The following NDRG4 variants were observed in gnomAD, a reference collection of about 807,000 sequenced individuals.
NDRG4 encodes the protein NDRG family member 4, also known as protein NDRG4.
Under a neutral mutation model 55.8 loss-of-function variants are expected in NDRG4, and 38 were observed. The ratio of observed to expected loss-of-function variants is 0.68; its 90% CI spans 0.53 to 0.89. The LOEUF is 0.89. NDRG4 is among the 40% of genes least tolerant of loss of function. The pLI, the probability that NDRG4 is intolerant of heterozygous loss-of-function variation, is 0.00. For missense variants in NDRG4, 455 were observed against 468.6 expected, an observed-to-expected ratio of 0.97 and a Z score of 0.27; for synonymous variants, 190 against 182.7, an observed-to-expected ratio of 1.04 and a Z score of -0.32.
Position 58,509,175 on chromosome 16 carries a change from C to T in NDRG4, c.799C>T (p.Pro267Ser). 1.2e-6 allele frequency: 2 copies of T among 1,614,016 alleles called. No individual in the cohort carries two copies. Among genetic ancestry groups the T allele is most frequent in the Non-Finnish European group, 1.7e-6 (2 of 1,180,030 alleles). ...GCAGATGGCAGACTCTGGAGGGCTGCCCCAGGTCACACAGGTGAGACTTTT... is the reference window on the plus strand; with the variant it reads ...GCAGATGGCAGACTCTGGAGGGCTGTCCCAGGTCACACAGGTGAGACTTTT... ...FLKMADSGGL[P>S]QVTQPGKLTE... Residue 267 changes from proline to serine, a missense_variant, in exon 12 of 15, where the codon CCC becomes TCC. Coordinates refer to ENST00000570248, the MANE Select transcript of NDRG4 (RefSeq NM_001242835.2).
intron 14 of NDRG4, 102 bp from the exon 15 acceptor site, chr16:58,511,320 G>C: frequency 2.2e-6 from 3 of 1,361,516 alleles, no homozygotes; most frequent in South Asian, 2.8e-5. Flanking sequence ...TTGTGCCTTC[G>C]AGGAACGGTT....
rs1172830768 is a variant in NDRG4, at chr16:58,506,578, T to C, written c.480T>C (p.Thr160=). ...TGCAGCTCTCCGGCCTAACTAGCAC[T>C]TTACCCGACACGGTGCTCTCCCACC... ...AATKLSGLTS[T]LPDTVLSHLF... Residue 160 remains threonine (T), a synonymous_variant, in exon 7 of 15, where the codon ACT becomes ACC. Coordinates refer to ENST00000570248, the MANE Select transcript of NDRG4 (RefSeq NM_001242835.2). 6.3e-7 allele frequency: 1 copy of C among 1,584,262 alleles called. No individual in the cohort carries two copies. Among genetic ancestry groups the C allele is most frequent in the Admixed American group, 1.9e-5 (1 of 52,336 alleles).
At chr16:58,491,867 G>A (rs1255605173) in intron 2 of NDRG4, among the ~76,000 whole-genome samples, 1 of 152,080 alleles carries the variant, frequency 6.6e-6, no homozygotes, top group Non-Finnish European at 1.5e-5. Context: ...CTTCAGGGAG[G>A]TTAGAGAGGG....
intron 1 of NDRG4, chr16:58,502,084 C>G (rs772956115): frequency 1.1e-5 from 5 of 436,126 alleles, no homozygotes; most frequent in South Asian, 7.8e-5. Context: ...TTCAGTGCAC[C>G]GCCCTGGCCC....
intron 1 of NDRG4, among the ~76,000 whole-genome samples, chr16:58,482,251 T>G (rs1045991625): frequency 6.6e-6 from 1 of 152,168 alleles, no homozygotes; most frequent in Non-Finnish European, 1.5e-5. Flanking sequence ...CTCAAGGCAG[T>G]GTGGACCGGA....
chr16:58,484,386 A>G (rs1966511), intron 1 of NDRG4, among the ~76,000 whole-genome samples: 129,331 of 152,118 alleles, frequency 0.85, 56,169 homozygotes, highest in Non-Finnish European at 0.94. Context: ...AAAAATTTAT[A>G]TATTTATTGT....
Position 58,509,371 on chromosome 16 carries a change from C to T in NDRG4, c.865+19C>T, listed in dbSNP as rs1031670809. On this transcript the variant is annotated intron_variant, in intron 13 of 14. Coordinates refer to ENST00000570248, the MANE Select transcript of NDRG4 (RefSeq NM_001242835.2). Reference sequence around the variant, plus strand: ...GGCTACAGTGAGTACATTTCCACCCCACCCCACACCACCTAGAGACCGGTG... The same window carrying T: ...GGCTACAGTGAGTACATTTCCACCCTACCCCACACCACCTAGAGACCGGTG... 1.2e-6 allele frequency: 2 copies of T among 1,611,794 alleles called. No homozygotes were observed. Among genetic ancestry groups the T allele is most frequent in the Non-Finnish European group, 8.5e-7 (1 of 1,179,410 alleles).
At chr16:58,482,251 T>C (rs1045991625) in intron 1 of NDRG4, among the ~76,000 whole-genome samples, 2 of 152,168 alleles carry the variant, frequency 1.3e-5, no homozygotes, top group Non-Finnish European at 2.9e-5. Flanking sequence ...CTCAAGGCAG[T>C]GTGGACCGGA....
chr16:58,507,963 G>A lies in NDRG4; in HGVS notation c.693G>A (p.Leu231=). 2 of 1,601,740 alleles carry A rather than the reference G, an allele frequency of 1.2e-6. No individual in the cohort carries two copies. Among genetic ancestry groups the A allele is most frequent in the African/African-American group, 2.7e-5 (2 of 74,864 alleles). ...NAKTLRCPVM[L]VVGDNAPAED... ...GTATCTGCAGCTGCCCCGTGATGCTGGTGGTTGGGGATAATGCACCCGCTG... is the reference window on the plus strand; with the variant it reads ...GTATCTGCAGCTGCCCCGTGATGCTAGTGGTTGGGGATAATGCACCCGCTG... The change falls in exon 10 of 15, where the codon CTG becomes CTA. Residue 231 remains leucine (L), a synonymous_variant. Coordinates refer to ENST00000570248, the MANE Select transcript of NDRG4 (RefSeq NM_001242835.2).
chr16:58,515,198 C>T (rs1265359822), downstream of NDRG4, among the ~76,000 whole-genome samples: 3 of 152,192 alleles, frequency 2.0e-5, no homozygotes, highest in Non-Finnish European at 4.4e-5. Flanking sequence ...GCCACCAGAC[C>T]CTCGGCTTCC....
chr16:58,515,360 G>A (rs1358683488), downstream of NDRG4: 3 of 653,056 alleles, frequency 4.6e-6, no homozygotes, highest in Non-Finnish European at 7.4e-6. Flanking sequence ...GAGTGCAATT[G>A]GAGATCCTGG....
intron 1 of NDRG4, among the ~76,000 whole-genome samples, chr16:58,466,176 A>G (rs1228426542): frequency 1.3e-5 from 2 of 152,116 alleles, no homozygotes; most frequent in African/African-American, 2.4e-5. Flanking sequence ...GCCACCATGC[A>G]TGCCTAATTT....
chr16:58,475,807 T>A, intron 1 of NDRG4: 1 of 374,064 alleles, frequency 2.7e-6, no homozygotes, highest in South Asian at 2.0e-5. Context: ...GTCTCCCCTT[T>A]TTTTTTTCAG....
chr16:58,467,967 G>A (rs969150012), intron 1 of NDRG4, among the ~76,000 whole-genome samples: 4 of 152,126 alleles, frequency 2.6e-5, no homozygotes, highest in Non-Finnish European at 1.5e-5. Flanking sequence ...CAGTTCCTTC[G>A]TTGGGTTCTC....
chr16:58,487,714 G>A, intron 1 of NDRG4: 5 of 1,435,582 alleles, frequency 3.5e-6, no homozygotes, highest in East Asian at 2.6e-5. Flanking sequence ...CCGCCCGGGC[G>A]TCCCCGCCGC....
intron 1 of NDRG4, 134 bp from the exon 2 acceptor site, chr16:58,503,664 G>A (rs2037453657): frequency 6.5e-7 from 1 of 1,528,600 alleles, no homozygotes; most frequent in Non-Finnish European, 8.8e-7. Context: ...GGCTTCTTGG[G>A]GTGATGAGAA....
In NDRG4 at chr16:58,510,665, A is replaced by G. The variant is rs1329508794; in HGVS notation, c.886A>G (p.Arg296Gly). 1.6e-5 allele frequency: 24 copies of G among 1,535,834 alleles called. No homozygotes were observed. The highest frequency in any genetic ancestry group is 1.7e-5 in the Non-Finnish European group (19 of 1,146,894). ...MGYIAYLKDR[R>G]LSGGAVPSAS... ...CTTAGTTGCGTACTTGAAGGACCGAAGGCTGAGTGGAGGAGCAGGTAGCCC... is the reference window on the plus strand; with the variant it reads ...CTTAGTTGCGTACTTGAAGGACCGAGGGCTGAGTGGAGGAGCAGGTAGCCC... The change falls in exon 14 of 15, where the codon AGG becomes GGG. Residue 296 changes from arginine to glycine, a missense_variant. Transcript: ENST00000570248.
rs1597342294 is a variant in NDRG4 at position 58,508,952 on chromosome 16, T to C, written c.730-10T>C. ...AGGGGCTGTTGCTGAAGCTGGCTCC[T>C]TGTCCTCAGGTGGAGTGCAACTCCA... On this transcript the variant is annotated splice_polypyrimidine_tract_variant and intron_variant, in intron 10 of 14. Coordinates refer to ENST00000570248, the MANE Select transcript of NDRG4 (RefSeq NM_001242835.2). 6.2e-7 allele frequency: 1 copy of C among 1,613,536 alleles called. No homozygotes were observed. Among genetic ancestry groups the C allele is most frequent in the Non-Finnish European group, 8.5e-7 (1 of 1,179,854 alleles).
intron 1 of NDRG4, among the ~76,000 whole-genome samples, chr16:58,478,072 G>A (rs1441746689): frequency 6.6e-6 from 1 of 152,148 alleles, no homozygotes; most frequent in Non-Finnish European, 1.5e-5. Context: ...ACATTCTACT[G>A]ACTAACTGGC....
Sources: gnomAD v4.1 joint callset for allele counts (sites outside exome capture counted in the v4.1 genomes callset) on GRCh38, gnomAD v4.1.1 for gene constraint, MANE v1.5 for transcripts, NCBI Gene and HGNC (gene_info 2026-07-23, HGNC 2026-07-21) for gene names.